The following LRRC7 variants were observed in gnomAD, a reference collection of about 807,000 sequenced individuals.
LRRC7 encodes the protein leucine rich repeat containing 7.
LRRC7 carries 23 observed loss-of-function variants against 175.7 expected under a neutral mutation model. The observed-to-expected ratio is 0.13, with a 90% CI of 0.09 to 0.19. The LOEUF is 0.19. LRRC7 is among the 10% of genes least tolerant of loss of function. The pLI, the probability that LRRC7 is intolerant of heterozygous loss-of-function variation, is 1.00. For missense variants in LRRC7, 1,354 were observed against 1,904.7 expected (o/e 0.71, Z 5.38); for synonymous variants, 685 against 680.9 (o/e 1.01, Z -0.09).
chr1:69,651,037 C>T (rs904591366), intron 1 of LRRC7, among the ~76,000 whole-genome samples: 2 of 152,112 alleles, frequency 1.3e-5, no homozygotes, highest in African/African-American at 4.8e-5. Context: ...GACAGTTTGG[C>T]ATGTCTAGAT....
intron 3 of LRRC7, among the ~76,000 whole-genome samples, chr1:69,764,735 A>AGATAGAT (rs986526150): frequency 2.3e-5 from 3 of 128,528 alleles, no homozygotes; most frequent in Non-Finnish European, 5.1e-5. Context: ...ATAGACAGAT[A>AGATAGAT]GATAGATAGA....
chr1:70,111,468 GA>G (rs1230422809), intron 26 of LRRC7, among the ~76,000 whole-genome samples: 3 of 152,086 alleles, frequency 2.0e-5, no homozygotes, highest in Non-Finnish European at 4.4e-5. Flanking sequence ...AACAGTAAGA[GA>G]AAAAACTGAA....
chr1:69,968,793 G>A (rs1459249770), intron 8 of LRRC7, among the ~76,000 whole-genome samples: 1 of 151,784 alleles, frequency 6.6e-6, no homozygotes, highest in African/African-American at 2.4e-5. Context: ...CTATATCTTT[G>A]TGGGGTTTTT....
intron 2 of LRRC7, among the ~76,000 whole-genome samples, chr1:69,740,126 A>G (rs1570581387): frequency 6.6e-6 from 1 of 152,244 alleles, no homozygotes; most frequent in South Asian, 2.1e-4. Context: ...GGCTCTACAT[A>G]CCATGGATGG....
intron 1 of LRRC7, among the ~76,000 whole-genome samples, chr1:69,663,706 T>C (rs1327830668): frequency 1.8e-5 from 2 of 113,568 alleles, no homozygotes; most frequent in Non-Finnish European, 3.6e-5. Context: ...TTTAATTTTT[T>C]TTTTTTTTTT....
chr1:69,999,929 G>T (rs1655370560), intron 11 of LRRC7, among the ~76,000 whole-genome samples: 1 of 152,100 alleles, frequency 6.6e-6, no homozygotes, highest in African/African-American at 2.4e-5. Flanking sequence ...CTGGCACACT[G>T]TGCTCTTCCT....
intron 1 of LRRC7, among the ~76,000 whole-genome samples, chr1:69,665,486 A>G (rs1658133661): frequency 6.6e-6 from 1 of 151,988 alleles, no homozygotes; most frequent in Non-Finnish European, 1.5e-5. Flanking sequence ...TGTGTGTCCT[A>G]TTCAAATCTT....
chr1:70,012,931 T>C, intron 12 of LRRC7, 43 bp from the exon 13 acceptor site: 1 of 1,004,838 alleles, frequency 1.0e-6, no homozygotes, highest in Non-Finnish European at 1.5e-6. Context: ...AAAAATAGTA[T>C]TGTGGTCTGA....
intron 8 of LRRC7, among the ~76,000 whole-genome samples, chr1:69,969,644 A>C (rs1481589123): frequency 6.6e-6 from 1 of 152,162 alleles, no homozygotes; most frequent in Non-Finnish European, 1.5e-5. Context: ...CTACTACTAG[A>C]CCTAAGAAAT....
rs59212223 is a variant in LRRC7 at position 69,600,800 on chromosome 1, C to CTTTTTTTTTTTTTTTTT, written c.2+32171_2+32187dup. On this transcript the variant is annotated intron_variant, in intron 1 of 26. Transcript: ENST00000651989. ...CCATTTCTCCAAGGATCTCTGGTTT[C>CTTTTTTTTTTTTTTTTT]TTTTTTTTTTTTTTTTTTTTTTTTT... is the stretch of plus-strand genomic sequence containing the variant. Among the ~76,000 whole-genome samples, 2 of 64,898 alleles carry CTTTTTTTTTTTTTTTTT rather than the reference C, an allele frequency of 3.1e-5. 1 individual carries two copies. The allele number at this position is 64,898 out of a possible 152,430, so 42.6% of individuals were successfully genotyped here.
At chr1:70,044,856 C>A (rs1474674972) in intron 22 of LRRC7, among the ~76,000 whole-genome samples, 1 of 152,072 alleles carries the variant, frequency 6.6e-6, no homozygotes, top group Non-Finnish European at 1.5e-5. Flanking sequence ...ACCAATGAGT[C>A]ATTTTCACAG....
At chr1:69,803,417 T>C (rs1241278404) in intron 4 of LRRC7, among the ~76,000 whole-genome samples, 2 of 151,562 alleles carry the variant, frequency 1.3e-5, no homozygotes, top group East Asian at 1.9e-4. Context: ...TCTTACTATG[T>C]GTTGTTCAAT....
intron 2 of LRRC7, among the ~76,000 whole-genome samples, chr1:69,693,821 C>T (rs904331029): frequency 2.0e-5 from 3 of 152,134 alleles, no homozygotes; most frequent in African/African-American, 7.2e-5. Flanking sequence ...TTAAATTGCT[C>T]CCATAGTCAA....
At chr1:69,991,208 T>G (rs972789966) in intron 10 of LRRC7, among the ~76,000 whole-genome samples, 1 of 150,778 alleles carries the variant, frequency 6.6e-6, no homozygotes, top group South Asian at 2.1e-4. Context: ...ATTAACATGA[T>G]ATAATTGTTT....
chr1:70,089,441 C>G (rs996588680), intron 24 of LRRC7, among the ~76,000 whole-genome samples: 2 of 152,200 alleles, frequency 1.3e-5, no homozygotes, highest in South Asian at 4.1e-4. Context: ...AGACTTTTAA[C>G]TTTTAAAAAT....
At chr1:70,027,183 T>C (rs1658208338) in intron 17 of LRRC7, among the ~76,000 whole-genome samples, 1 of 152,174 alleles carries the variant, frequency 6.6e-6, no homozygotes, top group Non-Finnish European at 1.5e-5. Flanking sequence ...AAGTTGATTC[T>C]ACTCAGATGC....
chr1:69,669,338 AT>A (rs1343040096), intron 1 of LRRC7, among the ~76,000 whole-genome samples: 1 of 152,148 alleles, frequency 6.6e-6, no homozygotes, highest in Non-Finnish European at 1.5e-5. Context: ...TTTTCACTGA[AT>A]ATAGTATTCT....
chr1:69,979,930 G>A lies in LRRC7; in HGVS notation c.712-449G>A, dbSNP rs59261100. On this transcript the variant is annotated intron_variant, in intron 8 of 26. Transcript: ENST00000651989. The stretch of plus-strand genomic sequence containing the variant: ...CTGTAACCCCTGTGTGTGCATGGAT[G>A]TTTGTGTGCAAGGCGCTAATACACA... Among the ~76,000 whole-genome samples, 364 of 152,066 alleles carry A rather than the reference G, an allele frequency of 2.4e-3. 5 individuals carry two copies. The East Asian group carries it at 0.037, about 15-fold the overall frequency.
chr1:69,820,696 C>A (rs1557771851), intron 4 of LRRC7, among the ~76,000 whole-genome samples: 1 of 151,596 alleles, frequency 6.6e-6, no homozygotes, highest in African/African-American at 2.4e-5. Flanking sequence ...TGAACTCATC[C>A]TTTTTTATAG....
Sources: gnomAD v4.1 joint callset for allele counts (sites outside exome capture counted in the v4.1 genomes callset) on GRCh38, gnomAD v4.1.1 for gene constraint, MANE v1.5 for transcripts, NCBI Gene and HGNC (gene_info 2026-07-23, HGNC 2026-07-21) for gene names.